The following CLCNKA variants were observed in gnomAD, a reference collection of about 807,000 sequenced individuals.
CLCNKA encodes chloride voltage-gated channel Ka, also known as chloride channel protein ClC-Ka.
In CLCNKA, 66 loss-of-function variants were observed where a neutral mutation model predicts 83.3. The ratio of observed to expected loss-of-function variants is 0.79; its 90% CI spans 0.65 to 0.97. The LOEUF (loss-of-function observed/expected upper bound fraction) is 0.97. Among genes scored for constraint, CLCNKA ranks in the 50% least tolerant of loss-of-function variants. The pLI is 0.00. For missense variants in CLCNKA, 806 were observed against 888.7 expected (o/e 0.91, Z 1.18); for synonymous variants, 357 against 370.4 (o/e 0.96, Z 0.42).
chr1:16,028,248 A>T, intron 10 of CLCNKA, 129 bp downstream of exon 10: 1 of 866,016 alleles, frequency 1.2e-6, no homozygotes, highest in Non-Finnish European at 1.9e-6. Context: ...GGAGCATCTA[A>T]CAACCCTCTC....
chr1:16,031,981 C>A, intron 16 of CLCNKA, 138 bp downstream of exon 16: 1 of 1,463,042 alleles, frequency 6.8e-7, no homozygotes, highest in Non-Finnish European at 9.4e-7. Flanking sequence ...CAAGTCACTT[C>A]ACCTGAGCCT....
At chr1:16,023,068 G>A (rs1433877029) in intron 2 of CLCNKA, among the ~76,000 whole-genome samples, 2 of 152,224 alleles carry the variant, frequency 1.3e-5, no homozygotes, top group South Asian at 2.1e-4. Flanking sequence ...GGGGCAGCCT[G>A]CACTTGGCAC....
intron 15 of CLCNKA, among the ~76,000 whole-genome samples, chr1:16,031,401 C>A (rs939039941): frequency 6.6e-6 from 1 of 152,124 alleles, no homozygotes; most frequent in African/African-American, 2.4e-5. Context: ...GACCACCTGG[C>A]AGATACTGGT....
chr1:16,030,137 T>A lies in CLCNKA; in HGVS notation c.1408+62T>A. On this transcript the variant is annotated intron_variant, in intron 14 of 19. Coordinates refer to ENST00000331433, the MANE Select transcript of CLCNKA (RefSeq NM_004070.4). ...GTGGGGCTGGGCTGGACCTGGAGAA[T>A]TGGCTGGTGGTTCCCCAGGGCACGG... 6.2e-6 allele frequency: 8 copies of A among 1,287,010 alleles called. No homozygotes were observed. The South Asian group carries it at 8.7e-5, about 14-fold the overall frequency. 79.7% of individuals were successfully genotyped at this position (1,287,010 alleles called of 1,614,324 possible).
intron 8 of CLCNKA, among the ~76,000 whole-genome samples, 158 bp downstream of exon 8, chr1:16,027,593 C>A (rs940301900): frequency 6.6e-6 from 1 of 151,704 alleles, no homozygotes; most frequent in Non-Finnish European, 1.5e-5. Flanking sequence ...ATGGAAGGGG[C>A]TGACCTGTGT....
At chr1:16,026,887 T>C in intron 7 of CLCNKA, 112 bp downstream of exon 7, 1 of 1,425,252 alleles carries the variant, frequency 7.0e-7, no homozygotes. Context: ...CTCATTCTTG[T>C]TCTCACTTCA....
Position 16,029,709 on chromosome 1 carries a change from C to T in CLCNKA, c.1228-22C>T, listed in dbSNP as rs544165534. The T allele has an allele frequency of 1.5e-5, 25 of 1,614,066 alleles. 1 individual carries two copies. The Admixed American group carries it at 3.5e-4, about 23-fold the overall frequency. ...TTGCCCAGCGGCCTCTAACCTCTGC[C>T]CTGGGCTCCCCCTTCCTGCAGTTCT... On this transcript the variant is annotated intron_variant, in intron 12 of 19. Transcript: ENST00000331433.
At chr1:16,027,480 G>A (rs201463162) in intron 8 of CLCNKA, 45 bp downstream of exon 8, 1 of 1,609,254 alleles carries the variant, frequency 6.2e-7, no homozygotes, top group East Asian at 2.2e-5. Flanking sequence ...CTGGGGGCCG[G>A]GGCGAGGGAG....
In CLCNKA at chr1:16,026,184, G is replaced by C; in HGVS notation, c.435G>C (p.Gly145=). The part of the protein sequence containing the change: ...LEDYLDIKNF[G]AKVVGLSCTL... ...ACTACCTGGATATCAAGAACTTTGG[G>C]GCCAAGGTGGTGGGCCTCTCCTGCA... Residue 145 remains glycine (G), a synonymous_variant, in exon 5 of 20, where the codon GGG becomes GGC. Transcript: ENST00000331433. The C allele has an allele frequency of 6.2e-7, 1 of 1,613,848 alleles. No individual in the cohort carries two copies. The highest frequency in any genetic ancestry group is 8.5e-7 in the Non-Finnish European group (1 of 1,180,034).
chr1:16,028,229 C>T, intron 10 of CLCNKA, 110 bp downstream of exon 10: 4 of 1,027,242 alleles, frequency 3.9e-6, no homozygotes, highest in Non-Finnish European at 6.0e-6. Flanking sequence ...AAATCCCTCC[C>T]TAGCCCGTGG....
At chr1:16,030,799 C>T in intron 15 of CLCNKA, 125 bp downstream of exon 15, 1 of 1,324,490 alleles carries the variant, frequency 7.6e-7, no homozygotes, top group Non-Finnish European at 1.1e-6. Flanking sequence ...CTGGGAGGGG[C>T]TGACACACAG....
chr1:16,033,388 T>C (rs1255884669), intron 19 of CLCNKA, 132 bp downstream of exon 19: 1 of 1,167,400 alleles, frequency 8.6e-7, no homozygotes, highest in Non-Finnish European at 1.3e-6. Flanking sequence ...TATGAGTCCC[T>C]CTTTCTGGCC....
rs7366320 is a variant in CLCNKA, at chr1:16,029,030, G to A, written c.1054-96G>A. The A allele has an allele frequency of 0.077, 117,193 of 1,521,716 alleles. 5,272 individuals are homozygous for A. The highest frequency in any genetic ancestry group is 0.09 in the African/African-American group (6,576 of 72,852). The allele number at this position is 1,521,716 out of a possible 1,614,324, so 94.3% of individuals were successfully genotyped here. A position where few individuals can be genotyped will look rare whatever the true frequency, so the allele number is the denominator to read the frequency against. ...AAGGCCCCCCGCTGGGAAGTGGCAG[G>A]GGAGGATTCCAGGCGGGGTCAGGCG... On this transcript the variant is annotated intron_variant, in intron 11 of 19. Coordinates refer to ENST00000331433, the MANE Select transcript of CLCNKA (RefSeq NM_004070.4).
In CLCNKA at chr1:16,032,474, GC is replaced by G. The variant is rs1471636067; in HGVS notation, c.1881del (p.Thr628ArgfsTer4). The G allele has an allele frequency of 6.2e-7, 1 of 1,613,228 alleles. No homozygotes were observed. The highest frequency in any genetic ancestry group is 1.3e-5 in the African/African-American group (1 of 75,050). ...QCLQDILARGCPTEPVTLTLF... is the reference protein window; with the variant it reads ...QCLQDILARGXPTEPVTLTLF... ...CTCCAGGACATCTTGGCCAGGGGCTGCCCCACGGAACCAGTGACCCTGACGC... is the reference window on the plus strand; with the variant it reads ...CTCCAGGACATCTTGGCCAGGGGCTGCCCACGGAACCAGTGACCCTGACGC... On this transcript the variant is annotated frameshift_variant, in exon 18 of 20. Coordinates refer to ENST00000331433, the MANE Select transcript of CLCNKA (RefSeq NM_004070.4). LOFTEE classifies it high-confidence loss of function.
chr1:16,029,219 G>C lies in CLCNKA; in HGVS notation c.1147G>C (p.Asp383His), dbSNP rs387907405. ...NSSPPWPEELDPQHLWWEWYH... is the reference protein window; with the variant it reads ...NSSPPWPEELHPQHLWWEWYH... ...CAGCCCACCCTGGCCCGAGGAGCTC[G>C]ACCCCCAGCACCTTTGGTGGGAATG... The change falls in exon 12 of 20, where the codon GAC (aspartate) becomes CAC (histidine). Residue 383 changes from aspartate (D) to histidine (H), a missense_variant. Transcript: ENST00000331433. The C allele has an allele frequency of 1.2e-6, 2 of 1,613,574 alleles. No individual in the cohort carries two copies. Among genetic ancestry groups the C allele is most frequent in the Non-Finnish European group, 8.5e-7 (1 of 1,179,900 alleles).
chr1:16,032,624 GCCCA>G, intron 18 of CLCNKA, 98 bp downstream of exon 18: 1 of 917,492 alleles, frequency 1.1e-6, no homozygotes, highest in Non-Finnish European at 1.8e-6. Context: ...ACCCCGCCCC[GCCCA>G]TCTTATCCTG....
In CLCNKA at chr1:16,023,944, C is replaced by T. The variant is rs753843020; in HGVS notation, c.229+16C>T. ...GTGGTCCGAGGTAACTCTTCCCTGG[C>T]AGGTGCTGCTCTGGGCCAAGGGATT... is the stretch of plus-strand genomic sequence containing the variant. On this transcript the variant is annotated intron_variant, in intron 3 of 19. Transcript: ENST00000331433. The T allele has an allele frequency of 5.0e-6, 8 of 1,613,560 alleles. No individual in the cohort carries two copies. Among genetic ancestry groups the T allele is most frequent in the Non-Finnish European group, 5.9e-6 (7 of 1,179,718 alleles).
chr1:16,027,526 C>T (rs916381499), intron 8 of CLCNKA, 91 bp downstream of exon 8: 3 of 1,567,412 alleles, frequency 1.9e-6, no homozygotes, highest in Middle Eastern at 1.7e-4. Context: ...TCTTGCTCTT[C>T]CCTTCCCTCT....
chr1:16,024,254 T>G (rs1365289267), intron 3 of CLCNKA, among the ~76,000 whole-genome samples: 1 of 152,208 alleles, frequency 6.6e-6, no homozygotes, highest in East Asian at 1.9e-4. Context: ...CTTGCCTAGA[T>G]CACCAAACTT....
Sources: gnomAD v4.1 joint callset for allele counts (sites outside exome capture counted in the v4.1 genomes callset) on GRCh38, gnomAD v4.1.1 for gene constraint, MANE v1.5 for transcripts, NCBI Gene and HGNC (gene_info 2026-07-23, HGNC 2026-07-21) for gene names.